The following KCTD19 variants were observed in gnomAD, a reference collection of about 807,000 sequenced individuals.
The protein encoded by KCTD19 is BTB/POZ domain-containing protein KCTD19.
Under a neutral mutation model 103.5 loss-of-function variants are expected in KCTD19, and 67 were observed. That is an observed-to-expected ratio of 0.65 (90% CI 0.53 to 0.79). The LOEUF (loss-of-function observed/expected upper bound fraction) is 0.79, where lower values mean the gene tolerates loss of function less well. KCTD19 is among the 30% of genes least tolerant of loss of function. KCTD19 has a pLI of 0.00. For missense variants in KCTD19, 980 were observed against 1,136.1 expected (o/e 0.86, Z 1.98); for synonymous variants, 439 against 452.2 (o/e 0.97, Z 0.37).
chr16:67,291,655 G>A lies in KCTD19; in HGVS notation c.2401C>T (p.Gln801Ter), dbSNP rs1202789544. ...GGCTCCAGAGCCTCACCTTGGGGCT[G>A]GGGACTGGCTGTGGGTGTTGTGTGC... The part of the protein sequence containing the change: ...LRHTTPTASP[Q>*]PQEVTFLSFS... The change falls in exon 13 of 16, where the codon CAG becomes TAG. Residue 801 changes from glutamine to a stop codon, truncating the protein, a stop_gained. Transcript: ENST00000304372. LOFTEE classifies it high-confidence loss of function. The A allele has an allele frequency of 3.1e-6, 5 of 1,613,450 alleles. No homozygotes were observed. Among genetic ancestry groups the A allele is most frequent in the Non-Finnish European group, 4.2e-6 (5 of 1,179,622 alleles).
Position 67,299,557 on chromosome 16 carries a change from G to A in KCTD19, c.792C>T (p.Thr264=), listed in dbSNP as rs768681574. 1.2e-6 allele frequency: 2 copies of A among 1,612,708 alleles called. No individual in the cohort carries two copies. Among genetic ancestry groups the A allele is most frequent in the East Asian group, 2.2e-5 (1 of 44,874 alleles). Residue 264 remains threonine, a synonymous_variant, in exon 6 of 16, where the codon ACC becomes ACT. Coordinates refer to ENST00000304372, the MANE Select transcript of KCTD19 (RefSeq NM_001100915.3). The part of the protein sequence containing the change: ...YRMNMGGCSP[T]TCSPLSPGKG... ...TCCCGGGGCTCAGGGGAGAACAGGT[G>A]GTCGGGGAACAGCCACCTGTGTCAG...
intron 7 of KCTD19, among the ~76,000 whole-genome samples, 167 bp downstream of exon 7, chr16:67,297,336 G>A (rs2036776276): frequency 6.6e-6 from 1 of 152,156 alleles, no homozygotes; most frequent in Non-Finnish European, 1.5e-5. Flanking sequence ...GGTGAGGAGG[G>A]AGCACTTAAT....
chr16:67,316,964 C>T (rs779319253), intron 2 of KCTD19, among the ~76,000 whole-genome samples: 2 of 152,160 alleles, frequency 1.3e-5, no homozygotes, highest in Non-Finnish European at 2.9e-5. Context: ...TTCTACATGG[C>T]TTTCCATCAA....
Position 67,303,454 on chromosome 16 carries a change from G to T in KCTD19, c.452-117C>A. The T allele has an allele frequency of 2.9e-6, 2 of 693,638 alleles. No homozygotes were observed. The highest frequency in any genetic ancestry group is 4.7e-6 in the Non-Finnish European group (2 of 424,110). 43.0% of individuals were successfully genotyped at this position (693,638 alleles called of 1,614,324 possible). ...ATGCTAGAGAGACCCCCCAGGATAT[G>T]GTCCTTGCCACTTGCCAGACACATC... On this transcript the variant is annotated intron_variant, in intron 3 of 15. Coordinates refer to ENST00000304372, the MANE Select transcript of KCTD19 (RefSeq NM_001100915.3). The surrounding 1 kb of genome is among the most constrained non-coding windows in gnomAD (Gnocchi z 4.3).
chr16:67,321,377 C>T (rs903412678), intron 1 of KCTD19, among the ~76,000 whole-genome samples: 5 of 152,080 alleles, frequency 3.3e-5, no homozygotes, highest in Non-Finnish European at 7.4e-5. Context: ...GAATGAAATA[C>T]ATGTGCACTG....
chr16:67,289,610 CAGACCTAG>C lies in KCTD19; in HGVS notation c.2732_2739del (p.Ser911CysfsTer58). ...TACTTTCCCAGGATGGAGTAAGAGA[CAGACCTAG>C]ACAGGCCCCTCTGGATGAGCAGGTC... On this transcript the variant is annotated frameshift_variant, in exon 16 of 16. Transcript: ENST00000304372. LOFTEE classifies it high-confidence loss of function. 6.2e-7 allele frequency: 1 copy of C among 1,614,108 alleles called. No homozygotes were observed. The highest frequency in any genetic ancestry group is 1.7e-5 in the Admixed American group (1 of 60,026).
rs1334221029 is a variant in KCTD19, at chr16:67,318,894, G to GA, written c.300+1694dup. ...AAATTCAAGAAGGTAGCTTGAAAAA[G>GA]AAAAAAAAATACAACAACTTGCCTG... is the stretch of plus-strand genomic sequence containing the variant. On this transcript the variant is annotated intron_variant, in intron 2 of 15. Transcript: ENST00000304372. 1.7e-4 allele frequency among the ~76,000 whole-genome samples: 26 copies of GA among 150,528 alleles called. No individual in the cohort carries two copies. The East Asian group carries it at 3.5e-3, about 20-fold the overall frequency.
At chr16:67,308,170 C>CTTTTTTTTTTTTT (rs554751590) in intron 2 of KCTD19, among the ~76,000 whole-genome samples, 1 of 134,590 alleles carries the variant, frequency 7.4e-6, no homozygotes. Flanking sequence ...TCTTTCTTTT[C>CTTTTTTTTTTTTT]TTTTTTTTTT....
chr16:67,314,820 TATATATATATAGAGAGAGAGAGAG>T (rs1230192976), intron 2 of KCTD19, among the ~76,000 whole-genome samples: 3 of 84,946 alleles, frequency 3.5e-5, no homozygotes, highest in East Asian at 3.2e-4. Flanking sequence ...TATATATATA[TATATATATATAGAGAGAGAGAGAG>T]AGAGAGAGAG....
intron 2 of KCTD19, among the ~76,000 whole-genome samples, chr16:67,313,198 C>T (rs1327084479): frequency 6.6e-6 from 1 of 151,846 alleles, no homozygotes; most frequent in Non-Finnish European, 1.5e-5. Flanking sequence ...CAACCACCGT[C>T]TCCTAGGTTC....
At position 67,320,594 on chromosome 16, in the gene KCTD19, G is replaced by A; in HGVS notation, c.295C>T (p.Leu99=). The change falls in exon 2 of 16, where the codon CTG becomes TTG. Residue 99 remains leucine (L), a synonymous_variant. Coordinates refer to ENST00000304372, the MANE Select transcript of KCTD19 (RefSeq NM_001100915.3). The surrounding 1 kb of genome is among the most constrained non-coding windows in gnomAD (Gnocchi z 4.0). ...AGAAAACAAGAGCATCTTACCTGCA[G>A]CAAAGGCATCAGCTGCAAACCCAAT... ...QALGLQLMPL[L]QTLDNLKEGK... 1 of 1,613,168 alleles carries A rather than the reference G, an allele frequency of 6.2e-7. No individual in the cohort carries two copies. The highest frequency in any genetic ancestry group is 8.5e-7 in the Non-Finnish European group (1 of 1,179,192).
chr16:67,294,791 G>A (rs1001819751), intron 10 of KCTD19, 97 bp from the exon 11 acceptor site: 32 of 1,014,474 alleles, frequency 3.2e-5, no homozygotes, highest in African/African-American at 4.8e-5. Context: ...GTTAATGCTA[G>A]ACAGCAGGGA....
chr16:67,311,363 C>T (rs1201341381), intron 2 of KCTD19, among the ~76,000 whole-genome samples: 1 of 152,006 alleles, frequency 6.6e-6, no homozygotes, highest in African/African-American at 2.4e-5. Context: ...GTGGCACAAT[C>T]TTGGCCTTGT....
At chr16:67,302,311 A>C in intron 4 of KCTD19, 5 of 214,120 alleles carry the variant, frequency 2.3e-5, no homozygotes, top group Non-Finnish European at 4.7e-5. Flanking sequence ...GGCGGGTGGC[A>C]CTTGCAGTTT....
intron 7 of KCTD19, among the ~76,000 whole-genome samples, 156 bp from the exon 8 acceptor site, chr16:67,296,415 T>G (rs1000694982): frequency 6.6e-6 from 1 of 152,144 alleles, no homozygotes; most frequent in Non-Finnish European, 1.5e-5. Context: ...ATCCCTGACA[T>G]AAACCTTGCT....
chr16:67,297,736 C>T, intron 6 of KCTD19, 73 bp from the exon 7 acceptor site: 1 of 1,467,060 alleles, frequency 6.8e-7, no homozygotes, highest in African/African-American at 1.4e-5. Flanking sequence ...GTAAACTTTC[C>T]ATGCCTAGGA....
chr16:67,294,194 A>C, intron 11 of KCTD19, 23 bp from the exon 12 acceptor site: 1 of 1,587,072 alleles, frequency 6.3e-7, no homozygotes, highest in Non-Finnish European at 8.6e-7. Context: ...GGGCACAGTA[A>C]CTCTGGATAG....
At chr16:67,299,791 G>C in intron 5 of KCTD19, 1 of 552,050 alleles carries the variant, frequency 1.8e-6, no homozygotes, top group Non-Finnish European at 3.2e-6. Flanking sequence ...GAGGTGAGTT[G>C]GGAGTGGGGG....
rs1180078475 is a variant in KCTD19 at position 67,297,527 on chromosome 16, T to G, written c.1123A>C (p.Thr375Pro). 1 of 1,614,120 alleles carries G rather than the reference T, an allele frequency of 6.2e-7. No individual in the cohort carries two copies. The stretch of plus-strand genomic sequence containing the variant: ...CTGAGCACATCCATGGGTGCCAAAG[T>G]CCTTGGCTCCAGATGAGTCTTCAAA... ...VALKTHLEPRTLAPMDVLNEW... is the reference protein window; with the variant it reads ...VALKTHLEPRPLAPMDVLNEW... The change falls in exon 7 of 16, where the codon ACT (threonine) becomes CCT (proline). Residue 375 changes from threonine (T) to proline (P), a missense_variant. By Grantham distance (38) the Thr-to-Pro change is conservative (BLOSUM62 -1). Coordinates refer to ENST00000304372, the MANE Select transcript of KCTD19 (RefSeq NM_001100915.3).
Sources: gnomAD v4.1 joint callset for allele counts (sites outside exome capture counted in the v4.1 genomes callset) on GRCh38, gnomAD v4.1.1 for gene constraint, Gnocchi (gnomAD v3.1) non-coding constraint, MANE v1.5 for transcripts, NCBI Gene and HGNC (gene_info 2026-07-23, HGNC 2026-07-21) for gene names.